RANGAP1: variants seen among roughly 807,000 people sequenced by gnomAD.
RANGAP1 encodes Ran GTPase activating protein 1.
RANGAP1 carries 38 observed loss-of-function variants against 63.5 expected under a neutral mutation model. The ratio of observed to expected loss-of-function variants is 0.60; its 90% confidence interval spans 0.46 to 0.78. RANGAP1 has a LOEUF of 0.78. Among genes scored for constraint, RANGAP1 ranks in the 30% least tolerant of loss-of-function variants. The probability of loss-of-function intolerance (pLI) is 0.00; values close to 1 mark genes in which losing one functional copy is unlikely to be tolerated. For synonymous variants in RANGAP1, 329 were observed against 310.5 expected, an observed-to-expected ratio of 1.06 and a Z score of -0.63; for missense variants, 630 against 740.3, an observed-to-expected ratio of 0.85 and a Z score of 1.73.
At chr22:41,298,281 G>T in the RANGAP1 span, among the ~76,000 whole-genome samples, 5 of 150,732 alleles carry the variant, frequency 3.3e-5, no homozygotes, top group South Asian at 1.1e-3. Flanking sequence ...GATTACAGGC[G>T]TGAGCCACAG....
chr22:41,277,901 T>C (rs2035249227), intron 2 of RANGAP1, among the ~76,000 whole-genome samples: 1 of 152,182 alleles, frequency 6.6e-6, no homozygotes, highest in South Asian at 2.1e-4. Context: ...ATCATTCCTA[T>C]TCCAGATTTG....
At chr22:41,249,576 A>G in intron 14 of RANGAP1, 125 bp from the exon 15 acceptor site, 1 of 1,541,028 alleles carries the variant, frequency 6.5e-7, no homozygotes, top group Non-Finnish European at 8.8e-7. Context: ...CATCGTGAAG[A>G]CCAAGGCTGC....
At chr22:41,294,712 C>T in the RANGAP1 span, among the ~76,000 whole-genome samples, 3 of 128,484 alleles carry the variant, frequency 2.3e-5, no homozygotes, top group Non-Finnish European at 3.3e-5. Flanking sequence ...CCACCCCGTC[C>T]GGGATGTGAG....
rs760110219 is a variant in RANGAP1 at position 41,249,765 on chromosome 22, G to A, written c.1536C>T (p.Phe512=). The change falls in exon 14 of 16, where the codon TTC becomes TTT. Residue 512 remains phenylalanine (F), a synonymous_variant. Transcript: ENST00000356244. ...FNSSSFNSNT[F]LTRLLVHMGL... is the part of the protein sequence containing the mutation. ...CCATGTGCACGAGCAGCCTGGTGAG[G>A]AAGGTGTTGGAGTTGAAGGACGAGG... is the stretch of plus-strand genomic sequence containing the variant. 3 of 1,614,136 alleles carry A rather than the reference G, an allele frequency of 1.9e-6. No homozygotes were observed. Among genetic ancestry groups the A allele is most frequent in the South Asian group, 2.2e-5 (2 of 91,084 alleles).
At chr22:41,281,476 G>A (rs946535965) in intron 1 of RANGAP1, 1 of 995,502 alleles carries the variant, frequency 1.0e-6, no homozygotes, top group Non-Finnish European at 1.2e-6. Flanking sequence ...CATCTTGGCT[G>A]TTCTCTGTTT....
At chr22:41,290,042 G>C (rs989871686), upstream of RANGAP1, among the ~76,000 whole-genome samples, 1 of 151,882 alleles carries the variant, frequency 6.6e-6, no homozygotes, top group Admixed American at 6.6e-5. Context: ...TAGGGAGGCT[G>C]ATGCAGGAGG....
intron 3 of RANGAP1, among the ~76,000 whole-genome samples, chr22:41,271,295 G>T: frequency 6.7e-6 from 1 of 150,162 alleles, no homozygotes. Flanking sequence ...GGCTGAGATG[G>T]AAGGATCACT....
upstream of RANGAP1, among the ~76,000 whole-genome samples, chr22:41,287,384 T>TGG (rs1163824003): frequency 4.1e-4 from 22 of 53,298 alleles, no homozygotes; most frequent in Admixed American, 1.2e-3. Flanking sequence ...TTTTTTTTGT[T>TGG]TTTTTTTTTT....
At chr22:41,296,709 G>T in the RANGAP1 span, among the ~76,000 whole-genome samples, 3 of 151,442 alleles carry the variant, frequency 2.0e-5, no homozygotes, top group Non-Finnish European at 2.9e-5. Flanking sequence ...CTCAGTCCTT[G>T]CAGTGACCCT....
At chr22:41,281,231 G>T in intron 1 of RANGAP1, 149 bp from the exon 2 acceptor site, 1 of 984,988 alleles carries the variant, frequency 1.0e-6, no homozygotes, top group Non-Finnish European at 1.4e-6. Flanking sequence ...AAGGAAAACA[G>T]CATCAGAGAA....
the RANGAP1 span, among the ~76,000 whole-genome samples, chr22:41,298,815 C>T: frequency 1.3e-5 from 2 of 152,182 alleles, no homozygotes. Flanking sequence ...TTACCCCCAT[C>T]TTAGTCACCT....
the RANGAP1 span, among the ~76,000 whole-genome samples, chr22:41,294,058 G>A: frequency 2.5e-4 from 34 of 134,878 alleles, no homozygotes; most frequent in African/African-American, 9.1e-4. Context: ...CTCTCCCCAC[G>A]GTCTCCCTCT....
At position 41,256,197 on chromosome 22, in the gene RANGAP1, G is replaced by C. The variant is rs757612792; in HGVS notation, c.982C>G (p.Leu328Val). ...ADKAELEKLD[L>V]NGNTLGEEGC... ...GCCTCCCCCATCCGACTACCATTCA[G>C]GTCCAGCTTCTCCAGCTCAGCTTTG... The change falls in exon 9 of 16, where the codon CTG becomes GTG. Residue 328 changes from leucine (L) to valine (V), a missense_variant. By Grantham distance (32) the Leu-to-Val change is conservative. This residue lies in a region of RANGAP1 where 428 missense variants were observed against 465.5 expected (regional missense o/e 0.92). Transcript: ENST00000356244. The C allele has an allele frequency of 6.2e-7, 1 of 1,614,134 alleles. No homozygotes were observed. The highest frequency in any genetic ancestry group is 8.5e-7 in the Non-Finnish European group (1 of 1,180,006).
intron 6 of RANGAP1, 27 bp downstream of exon 6, chr22:41,261,419 G>A: frequency 6.2e-7 from 1 of 1,613,948 alleles, no homozygotes; most frequent in Non-Finnish European, 8.5e-7. Flanking sequence ...CAAGGCTGCA[G>A]GGGCAGGATG....
At chr22:41,258,173 C>A (rs990185048) in intron 6 of RANGAP1, 67 bp from the exon 7 acceptor site, 6 of 1,509,778 alleles carry the variant, frequency 4.0e-6, no homozygotes, top group South Asian at 1.3e-5. Context: ...GGCAGGAGAG[C>A]AATTCCACAC....
intron 15 of RANGAP1, among the ~76,000 whole-genome samples, chr22:41,247,236 T>A (rs1049698821): frequency 3.3e-5 from 5 of 152,042 alleles, no homozygotes; most frequent in African/African-American, 1.2e-4. Context: ...TTTGTATTTT[T>A]AGTAGAGACA....
At chr22:41,255,656 T>C (rs1007896362) in intron 10 of RANGAP1, among the ~76,000 whole-genome samples, 4 of 151,664 alleles carry the variant, frequency 2.6e-5, no homozygotes, top group Non-Finnish European at 5.9e-5. Context: ...CGAGCTCCTC[T>C]GTTGAACGGA....
intron 3 of RANGAP1, among the ~76,000 whole-genome samples, chr22:41,271,587 G>C (rs558865813): frequency 6.6e-6 from 1 of 151,832 alleles, no homozygotes; most frequent in Non-Finnish European, 1.5e-5. Context: ...CCAGCCACTT[G>C]GGAGGCTGAG....
upstream of RANGAP1, among the ~76,000 whole-genome samples, chr22:41,290,106 T>C (rs1415823307): frequency 6.9e-6 from 1 of 145,334 alleles, no homozygotes; most frequent in East Asian, 2.0e-4. Context: ...GTCAGGCCAC[T>C]GCACTCCAGC....
Sources: allele counts gnomAD v4.1 joint callset (sites outside exome capture counted in the v4.1 genomes callset), GRCh38; gene constraint gnomAD v4.1.1; regional missense constraint gnomAD v4.1.1; transcripts MANE v1.5; gene names NCBI Gene and HGNC (gene_info 2026-07-23, HGNC 2026-07-21).